Variants in CENPE observed in about 807,000 individuals in gnomAD.
The protein encoded by CENPE is centromere-associated protein E.
Under a neutral mutation model 336.1 loss-of-function variants are expected in CENPE, and 145 were observed. The ratio of observed to expected loss-of-function variants is 0.43; its 90% confidence interval spans 0.38 to 0.50. CENPE has a LOEUF of 0.50. CENPE is among the 20% of genes least tolerant of loss of function. The pLI, the probability that CENPE is intolerant of heterozygous loss-of-function variation, is 0.00. For missense variants in CENPE, 2,719 were observed against 3,023.3 expected (o/e 0.90, Z 2.36); for synonymous variants, 1,013 against 984.8 (o/e 1.03, Z -0.54).
Position 103,116,614 on chromosome 4 carries a change from G to A in CENPE, c.7405C>T (p.Leu2469=). 1 of 1,584,638 alleles carries A rather than the reference G, an allele frequency of 6.3e-7. No individual in the cohort carries two copies. Among genetic ancestry groups the A allele is most frequent in the Non-Finnish European group, 8.6e-7 (1 of 1,166,140 alleles). ...DLKMKLVKID[L]EKMKNAKEFE... is the part of the protein sequence containing the mutation. ...TCTTTGGCATTTTTCATTTTCTCTAGGTCTATTTTCACAAGCTTCATTTTG... is the reference window on the plus strand; with the variant it reads ...TCTTTGGCATTTTTCATTTTCTCTAAGTCTATTTTCACAAGCTTCATTTTG... Residue 2469 remains leucine (L), a synonymous_variant, in exon 45 of 49, where the codon CTA becomes TTA. Transcript: ENST00000265148.
In CENPE at chr4:103,148,889, T is replaced by C; in HGVS notation, c.3798A>G (p.Ile1266Met). Reference protein sequence around the residue: ...RSVSEKTAQIINTQDLEKSHT... With the variant: ...RSVSEKTAQIMNTQDLEKSHT... ...GGGATTTTTCTAAGTCCTGAGTATT[T>C]ATTATTTGAGCTGTCTTCTCAGATA... The change falls in exon 28 of 49, where the codon ATA becomes ATG. Residue 1266 changes from isoleucine (I) to methionine (M), a missense_variant. Physicochemically the swap from Ile to Met is conservative, Grantham distance 10 (BLOSUM62 1). Coordinates refer to ENST00000265148, the MANE Select transcript of CENPE (RefSeq NM_001813.3). 6.2e-7 allele frequency: 1 copy of C among 1,613,570 alleles called. No individual in the cohort carries two copies. Among genetic ancestry groups the C allele is most frequent in the East Asian group, 2.2e-5 (1 of 44,828 alleles).
chr4:103,166,211 T>C (rs1272671037), intron 16 of CENPE, among the ~76,000 whole-genome samples: 1 of 152,206 alleles, frequency 6.6e-6, no homozygotes, highest in Non-Finnish European at 1.5e-5. Flanking sequence ...GCATCTGGTC[T>C]CTACTTCAAG....
At position 103,158,844 on chromosome 4, in the gene CENPE, C is replaced by G; in HGVS notation, c.2644G>C (p.Val882Leu). ...TQELQEKTREVQERLNEMEQL... is the reference protein window; with the variant it reads ...TQELQEKTRELQERLNEMEQL... Reference sequence around the variant, plus strand: ...TCCATCTCATTTAGTCTTTCTTGAACCTCACGTGTTTTCTCCTGAAGTTCT... The same window carrying G: ...TCCATCTCATTTAGTCTTTCTTGAAGCTCACGTGTTTTCTCCTGAAGTTCT... The change falls in exon 23 of 49, where the codon GTT becomes CTT. Residue 882 changes from valine (V) to leucine (L), a missense_variant. Physicochemically the swap from Val to Leu is conservative, Grantham distance 32. This residue lies in a region of CENPE where 2,437 missense variants were observed against 2,513.3 expected (regional missense o/e 0.97). Coordinates refer to ENST00000265148, the MANE Select transcript of CENPE (RefSeq NM_001813.3). 1 of 1,607,548 alleles carries G rather than the reference C, an allele frequency of 6.2e-7. No homozygotes were observed. The highest frequency in any genetic ancestry group is 1.1e-5 in the South Asian group (1 of 89,182).
At position 103,145,435 on chromosome 4, in the gene CENPE, T is replaced by C. The variant is rs1481704777; in HGVS notation, c.4572+88A>G. The C allele has an allele frequency of 5.0e-6, 7 of 1,405,874 alleles. No homozygotes were observed. The East Asian group carries it at 1.4e-4, about 28-fold the overall frequency. The allele number at this position is 1,405,874 out of a possible 1,614,324, so 87.1% of individuals were successfully genotyped here. ...GGAAAAGGTTGCTTCCCAAAACAAT[T>C]AAGCATGCCAAATAGTAGTCTTCAT... is the stretch of plus-strand genomic sequence containing the variant. On this transcript the variant is annotated intron_variant, in intron 31 of 48. Coordinates refer to ENST00000265148, the MANE Select transcript of CENPE (RefSeq NM_001813.3).
intron 48 of CENPE, among the ~76,000 whole-genome samples, chr4:103,108,244 C>CT (rs769449653): frequency 0.043 from 6,194 of 143,140 alleles, 407 homozygotes; most frequent in African/African-American, 0.14. Flanking sequence ...TATAATTTCA[C>CT]TTTTTTTTTT....
At chr4:103,114,295 A>G (rs1042671387) in intron 46 of CENPE, among the ~76,000 whole-genome samples, 160 bp downstream of exon 46, 4 of 152,198 alleles carry the variant, frequency 2.6e-5, no homozygotes, top group Non-Finnish European at 5.9e-5. Context: ...ATGTCACAAG[A>G]TATCTGGAAA....
chr4:103,179,058 C>T (rs1423129190), intron 13 of CENPE, among the ~76,000 whole-genome samples: 1 of 152,154 alleles, frequency 6.6e-6, no homozygotes, highest in Non-Finnish European at 1.5e-5. Flanking sequence ...TTCAGTGTGC[C>T]TTAACTCAAC....
chr4:103,196,849 C>T lies in CENPE; in HGVS notation c.58G>A (p.Glu20Lys). 1.3e-6 allele frequency: 2 copies of T among 1,493,970 alleles called. No individual in the cohort carries two copies. The highest frequency in any genetic ancestry group is 9.3e-7 in the Non-Finnish European group (1 of 1,074,258). The allele number at this position is 1,493,970 out of a possible 1,614,324, so 92.5% of individuals were successfully genotyped here. A position where few individuals can be genotyped will look rare whatever the true frequency, so the allele number is the denominator to read the frequency against. ...TGGGCAGTTTCTCCAAGTGATTCTT[C>T]TCTAAAAGAATAAAAACACCGCATT... ...CVRVRPLNSR[E>K]ESLGETAQVY... The change falls in exon 2 of 49, where the codon GAA becomes AAA. Residue 20 changes from glutamate (E) to lysine (K), a missense_variant and splice_region_variant. By Grantham distance (56) the Glu-to-Lys change is moderately conservative. Transcript: ENST00000265148.
At position 103,108,914 on chromosome 4, in the gene CENPE, G is replaced by A; in HGVS notation, c.7900C>T (p.Pro2634Ser). ...SQCKERNLQDPVPKESPKSCF... is the reference protein window; with the variant it reads ...SQCKERNLQDSVPKESPKSCF... ...GATTTTGGTGATTCCTTTGGCACAG[G>A]ATCTTGTAAATTCCGTTCCTTGCAT... is the stretch of plus-strand genomic sequence containing the variant. Residue 2634 changes from proline to serine, a missense_variant, in exon 48 of 49, where the codon CCT (proline) becomes TCT (serine). Coordinates refer to ENST00000265148, the MANE Select transcript of CENPE (RefSeq NM_001813.3). The A allele has an allele frequency of 6.2e-7, 1 of 1,613,888 alleles. No homozygotes were observed. The highest frequency in any genetic ancestry group is 8.5e-7 in the Non-Finnish European group (1 of 1,179,856).
chr4:103,122,442 T>C (rs1432388386), intron 43 of CENPE, among the ~76,000 whole-genome samples: 1 of 152,212 alleles, frequency 6.6e-6, no homozygotes, highest in African/African-American at 2.4e-5. Context: ...TCTTATATTT[T>C]TATTGTGATT....
intron 8 of CENPE, among the ~76,000 whole-genome samples, chr4:103,186,606 C>T (rs1219124639): frequency 2.0e-5 from 3 of 152,134 alleles, no homozygotes; most frequent in Admixed American, 1.3e-4. Flanking sequence ...CCAGGAAGTA[C>T]ATCAGGTGCT....
chr4:103,176,993 C>T lies in CENPE; in HGVS notation c.1296G>A (p.Lys432=). The part of the protein sequence containing the change: ...TWCLGKINKM[K]NSNYADQFNI... ...TAAATTGATCTGCATAGTTTGAGTT[C>T]TTCATTTTGTTAATTTTGCCAAGGC... The change falls in exon 14 of 49, where the codon AAG becomes AAA. Residue 432 remains lysine (K), a synonymous_variant. Transcript: ENST00000265148. 6.2e-7 allele frequency: 1 copy of T among 1,607,992 alleles called. No homozygotes were observed. Among genetic ancestry groups the T allele is most frequent in the Non-Finnish European group, 8.5e-7 (1 of 1,177,664 alleles).
intron 25 of CENPE, 26 bp from the exon 26 acceptor site, chr4:103,151,403 T>A: frequency 6.7e-7 from 1 of 1,493,554 alleles, no homozygotes; most frequent in Middle Eastern, 1.8e-4. Context: ...AAGTTGAGAT[T>A]AAAGTAAATA....
At chr4:103,152,283 A>G (rs1313977395) in intron 25 of CENPE, among the ~76,000 whole-genome samples, 2 of 152,210 alleles carry the variant, frequency 1.3e-5, no homozygotes, top group East Asian at 3.8e-4. Flanking sequence ...AATGTTCAAC[A>G]TCTTAGTCAT....
intron 29 of CENPE, 134 bp downstream of exon 29, chr4:103,147,222 A>T: frequency 1.4e-6 from 1 of 697,334 alleles, no homozygotes; most frequent in Non-Finnish European, 2.3e-6. Flanking sequence ...TTCTGTTTCT[A>T]GTCATTTCAT....
chr4:103,181,765 C>A (rs1756343451), intron 11 of CENPE: 1 of 188,452 alleles, frequency 5.3e-6, no homozygotes, highest in Admixed American at 6.4e-5. Context: ...TTGCTTCTAG[C>A]CAAAAATATC....
intron 16 of CENPE, among the ~76,000 whole-genome samples, chr4:103,169,406 A>G (rs1755206951): frequency 6.6e-6 from 1 of 152,216 alleles, no homozygotes; most frequent in Admixed American, 6.5e-5. Context: ...AAAGCAATAC[A>G]TATCCACATA....
chr4:103,196,967 G>C (rs1757790050), intron 1 of CENPE, 117 bp from the exon 2 acceptor site: 1 of 658,330 alleles, frequency 1.5e-6, no homozygotes, highest in South Asian at 1.7e-5. Context: ...ATAAGAGAAT[G>C]ACAGAAAGTC....
chr4:103,128,070 G>A (rs1751281150), intron 42 of CENPE, among the ~76,000 whole-genome samples: 1 of 151,956 alleles, frequency 6.6e-6, no homozygotes. Context: ...GAAAGTAAAG[G>A]GATGGAGAAA....
Sources: allele counts gnomAD v4.1 joint callset (sites outside exome capture counted in the v4.1 genomes callset), GRCh38; gene constraint gnomAD v4.1.1; regional missense constraint gnomAD v4.1.1; transcripts MANE v1.5; gene names NCBI Gene and HGNC (gene_info 2026-07-23, HGNC 2026-07-21).